Variants in TMEM126B observed in about 807,000 individuals in gnomAD.
The protein encoded by TMEM126B is complex I assembly factor TMEM126B, mitochondrial.
A neutral mutation model predicts 16.5 loss-of-function variants in TMEM126B; 19 were observed. The ratio of observed to expected loss-of-function variants is 1.15; its 90% CI spans 0.80 to 1.69. The LOEUF (loss-of-function observed/expected upper bound fraction) is 1.69. TMEM126B is among the 40% of genes most tolerant of loss of function. TMEM126B has a pLI of 0.00. For synonymous variants in TMEM126B, 104 were observed against 93.2 expected, an observed-to-expected ratio of 1.12 and a Z score of -0.67; for missense variants, 293 against 278.7, an observed-to-expected ratio of 1.05 and a Z score of -0.37.
Position 85,636,080 on chromosome 11 carries a change from G to A in TMEM126B, c.544G>A (p.Val182Ile). The A allele has an allele frequency of 6.2e-7, 1 of 1,607,862 alleles. No individual in the cohort carries two copies. Residue 182 changes from valine to isoleucine, a missense_variant, in exon 5 of 5, where the codon GTT (valine) becomes ATT (isoleucine). Coordinates refer to ENST00000358867, the MANE Select transcript of TMEM126B (RefSeq NM_018480.7). ...CGTTCCACTGCCACCAAAAGGAAGG[G>A]TTTTAATCCATTGGATGACGCTTTG... ...HTVPLPPKGRVLIHWMTLCQT... is the reference protein window; with the variant it reads ...HTVPLPPKGRILIHWMTLCQT...
rs778231539 is a variant in TMEM126B at position 85,631,762 on chromosome 11, G to A, written c.157G>A (p.Val53Ile). Residue 53 changes from valine to isoleucine, a missense_variant, in exon 2 of 5, where the codon GTC (valine) becomes ATC (isoleucine). Val to Ile is a conservative substitution (Grantham distance 29, BLOSUM62 3). Transcript: ENST00000358867. The stretch of plus-strand genomic sequence containing the variant: ...AGATGCAAAACTCAGAAGACCAATG[G>A]TCATAGAAATCATAGAAAAAAATTT... ...LEDAKLRRPM[V>I]IEIIEKNFDY... The A allele has an allele frequency of 6.2e-7, 1 of 1,613,116 alleles. No individual in the cohort carries two copies. The highest frequency in any genetic ancestry group is 2.2e-5 in the East Asian group (1 of 44,814).
At position 85,635,742 on chromosome 11, in the gene TMEM126B, C is replaced by G. The variant is rs753639878; in HGVS notation, c.473C>G (p.Ser158Cys). Residue 158 changes from serine (S) to cysteine (C), a missense_variant, in exon 4 of 5, where the codon TCT becomes TGT. Coordinates refer to ENST00000358867, the MANE Select transcript of TMEM126B (RefSeq NM_018480.7). Reference protein sequence around the residue: ...GIVCGVFYPSSLAFTKNGRLA... With the variant: ...GIVCGVFYPSCLAFTKNGRLA... ...GTTTGTGGTGTTTTCTATCCCAGTT[C>G]TTTGGCTTTTACTAAAAATGGACGC... The G allele has an allele frequency of 4.4e-6, 7 of 1,602,798 alleles. No individual in the cohort carries two copies. In the African/African-American group the frequency reaches 9.4e-5, roughly 22 times the overall value.
chr11:85,631,126 C>G, intron 1 of TMEM126B: 1 of 1,281,252 alleles, frequency 7.8e-7, no homozygotes. Context: ...GCAATCCCTG[C>G]TCTCTCCTAC....
intron 1 of TMEM126B, among the ~76,000 whole-genome samples, chr11:85,629,688 T>C (rs1315260063): frequency 6.6e-6 from 1 of 152,134 alleles, no homozygotes; most frequent in Non-Finnish European, 1.5e-5. Flanking sequence ...TTATCTATGG[T>C]TTATGGTTAC....
At chr11:85,634,313 A>G (rs1172816002) in intron 3 of TMEM126B, 34 bp downstream of exon 3, 3 of 1,508,258 alleles carry the variant, frequency 2.0e-6, no homozygotes, top group Non-Finnish European at 1.8e-6. Flanking sequence ...TAACGTAGTT[A>G]TGTCTAAGTA....
At position 85,634,103 on chromosome 11, in the gene TMEM126B, A is replaced by G; in HGVS notation, c.221A>G (p.Gln74Arg). ...TCTATTAGGACACAAAATATATATC[A>G]AATGGCGACATTTGGAACAACAGCT... The part of the protein sequence containing the change: ...LRKEMTQNIY[Q>R]MATFGTTAGF... The change falls in exon 3 of 5, where the codon CAA (glutamine) becomes CGA (arginine). Residue 74 changes from glutamine (Q) to arginine (R), a missense_variant. By Grantham distance (43) the Gln-to-Arg change is conservative. Coordinates refer to ENST00000358867, the MANE Select transcript of TMEM126B (RefSeq NM_018480.7). 1 of 1,613,182 alleles carries G rather than the reference A, an allele frequency of 6.2e-7. No homozygotes were observed. Among genetic ancestry groups the G allele is most frequent in the Non-Finnish European group, 8.5e-7 (1 of 1,179,782 alleles).
chr11:85,628,692 G>A lies in TMEM126B; in HGVS notation c.81+4G>A, dbSNP rs1397002992. ...GGGAACTGAGGAAGCGCCCAAGGTA[G>A]GCGGAAATCCGAAGTGGTATGGGGG... On this transcript the variant is annotated splice_donor_region_variant and intron_variant, in intron 1 of 4. Transcript: ENST00000358867. 6.5e-7 allele frequency: 1 copy of A among 1,527,902 alleles called. No homozygotes were observed. The highest frequency in any genetic ancestry group is 8.7e-7 in the Non-Finnish European group (1 of 1,146,392). The allele number at this position is 1,527,902 out of a possible 1,614,324, so 94.6% of individuals were successfully genotyped here. A position where few individuals can be genotyped will look rare whatever the true frequency, so the allele number is the denominator to read the frequency against.
Position 85,634,065 on chromosome 11 carries a change from AT to A in TMEM126B, c.204-16del, listed in dbSNP as rs2082353836. 1 of 1,585,668 alleles carries A rather than the reference AT, an allele frequency of 6.3e-7. No homozygotes were observed. The highest frequency in any genetic ancestry group is 1.5e-5 in the African/African-American group (1 of 67,172). On this transcript the variant is annotated intron_variant, in intron 2 of 4. Transcript: ENST00000358867. ...TAAGTTCAATGGTATAGTGAACTGA[AT>A]TTTTCTTTTTTTCTATTAGGACACA...
Position 85,631,756 on chromosome 11 carries a change from C to G in TMEM126B, c.151C>G (p.Pro51Ala), listed in dbSNP as rs1362933156. ...TCTAGAAGATGCAAAACTCAGAAGA[C>G]CAATGGTCATAGAAATCATAGAAAA... Reference protein sequence around the residue: ...PSLEDAKLRRPMVIEIIEKNF... With the variant: ...PSLEDAKLRRAMVIEIIEKNF... Residue 51 changes from proline to alanine, a missense_variant, in exon 2 of 5, where the codon CCA becomes GCA. Transcript: ENST00000358867. The G allele has an allele frequency of 1.2e-6, 2 of 1,612,946 alleles. No individual in the cohort carries two copies. The highest frequency in any genetic ancestry group is 3.3e-5 in the Admixed American group (2 of 59,840).
intron 1 of TMEM126B, among the ~76,000 whole-genome samples, chr11:85,629,670 A>T (rs1481801224): frequency 6.6e-6 from 1 of 152,134 alleles, no homozygotes; most frequent in Non-Finnish European, 1.5e-5. Context: ...TGAGAGCAAA[A>T]CAAAAATTTA....
chr11:85,632,781 C>T (rs907424808), intron 2 of TMEM126B, among the ~76,000 whole-genome samples: 1 of 151,710 alleles, frequency 6.6e-6, no homozygotes, highest in African/African-American at 2.4e-5. Flanking sequence ...AAAAAGTTCC[C>T]TCATTCCCTT....
At chr11:85,630,943 C>T (rs1047602903) in intron 1 of TMEM126B, among the ~76,000 whole-genome samples, 4 of 152,174 alleles carry the variant, frequency 2.6e-5, no homozygotes, top group African/African-American at 9.7e-5. Flanking sequence ...AGGTATGGGT[C>T]TCTGCTATAC....
In TMEM126B at chr11:85,634,121, CA is replaced by C. The variant is rs1261676471; in HGVS notation, c.241del (p.Thr81GlnfsTer24). 1 of 1,613,348 alleles carries C rather than the reference CA, an allele frequency of 6.2e-7. No individual in the cohort carries two copies. Among genetic ancestry groups the C allele is most frequent in the Non-Finnish European group, 8.5e-7 (1 of 1,179,814 alleles). On this transcript the variant is annotated frameshift_variant, in exon 3 of 5. Transcript: ENST00000358867. LOFTEE classifies it high-confidence loss of function. ...QNIYQMATFGTTAGFSGIFSN... is the reference protein window; with the variant it reads ...QNIYQMATFGXTAGFSGIFSN... Reference sequence around the variant, plus strand: ...ATATATCAAATGGCGACATTTGGAACAACAGCTGGTTTCTCTGGAATATTCT... The same window carrying C: ...ATATATCAAATGGCGACATTTGGAACACAGCTGGTTTCTCTGGAATATTCT...
intron 2 of TMEM126B, among the ~76,000 whole-genome samples, chr11:85,633,118 C>T (rs570027284): frequency 3.9e-5 from 6 of 152,336 alleles, no homozygotes; most frequent in East Asian, 1.9e-4. Context: ...CATGTCCCTA[C>T]AAAGGACATG....
At position 85,634,037 on chromosome 11, in the gene TMEM126B, C is replaced by T. The variant is rs564439325; in HGVS notation, c.204-49C>T. The T allele has an allele frequency of 7.8e-5, 102 of 1,305,294 alleles. No individual in the cohort carries two copies. In the South Asian group the frequency reaches 1.2e-3, roughly 16 times the overall value. The allele number at this position is 1,305,294 out of a possible 1,614,324, so 80.9% of individuals were successfully genotyped here. On this transcript the variant is annotated intron_variant, in intron 2 of 4. Transcript: ENST00000358867. Reference sequence around the variant, plus strand: ...ACAACTTTTCAGGAGAGGCTGTATCCATTAAGTTCAATGGTATAGTGAACT... The same window carrying T: ...ACAACTTTTCAGGAGAGGCTGTATCTATTAAGTTCAATGGTATAGTGAACT...
intron 3 of TMEM126B, 172 bp downstream of exon 3, chr11:85,634,451 G>A (rs2153308524): frequency 3.7e-6 from 2 of 535,400 alleles, no homozygotes; most frequent in East Asian, 3.4e-5. Flanking sequence ...TCCTAATCAG[G>A]TAAACTGTAT....
intron 1 of TMEM126B, chr11:85,631,338 A>T (rs2082293050): frequency 2.5e-6 from 3 of 1,195,330 alleles, no homozygotes; most frequent in Non-Finnish European, 3.2e-6. Context: ...TTCTACACTA[A>T]ATCTCAAGCA....
intron 2 of TMEM126B, among the ~76,000 whole-genome samples, chr11:85,632,834 G>T (rs1330768648): frequency 6.6e-6 from 1 of 150,830 alleles, no homozygotes; most frequent in Non-Finnish European, 1.5e-5. Flanking sequence ...TAAGTTTTAG[G>T]GTACATGTGC....
At chr11:85,635,821 C>CTTTTTTTTTTTTTTTTTTTTTTTTCT (rs58671332) in intron 4 of TMEM126B, 43 bp downstream of exon 4, 2 of 869,754 alleles carry the variant, frequency 2.3e-6, no homozygotes, top group South Asian at 2.2e-5. Context: ...CTTTTCTTTT[C>CTTTTTTTTTTTTTTTTTTTTTTTTCT]TTTTTTTTTT....
Sources: gnomAD v4.1 joint callset for allele counts (sites outside exome capture counted in the v4.1 genomes callset) on GRCh38, gnomAD v4.1.1 for gene constraint, MANE v1.5 for transcripts, NCBI Gene and HGNC (gene_info 2026-07-23, HGNC 2026-07-21) for gene names.